COL9A3: variants seen among roughly 807,000 people sequenced by gnomAD.
COL9A3 encodes collagen alpha-3(IX) chain.
A neutral mutation model predicts 110.2 loss-of-function variants in COL9A3; 82 were observed. That is an observed-to-expected ratio of 0.74 (90% confidence interval 0.62 to 0.89). The LOEUF is 0.89. Among genes scored for constraint, COL9A3 ranks in the 40% least tolerant of loss-of-function variants. The probability of loss-of-function intolerance (pLI) is 0.00; values close to 1 mark genes in which losing one functional copy is unlikely to be tolerated. For synonymous variants in COL9A3, 494 were observed against 403.8 expected (o/e 1.22, Z -2.68); for missense variants, 1,066 against 981.3 (o/e 1.09, Z -1.15).
chr20:62,821,770 T>C lies in COL9A3; in HGVS notation c.383T>C (p.Val128Ala), dbSNP rs1600791104. The change falls in exon 8 of 32, where the codon GTG becomes GCG. Residue 128 changes from valine to alanine, a missense_variant. Physicochemically the swap from Val to Ala is moderately conservative, Grantham distance 64 (BLOSUM62 0). Coordinates refer to ENST00000649368, the MANE Select transcript of COL9A3 (RefSeq NM_001853.4). ...ACTTCCCTCCAGGGAGAGGCAGGAG[T>C]GAGCGGCCCCCCAGGTGGGATCGGC... ...GLPGPPGEAG[V>A]SGPPGGIGLR... 6 of 1,610,050 alleles carry C rather than the reference T, an allele frequency of 3.7e-6. No homozygotes were observed. The highest frequency in any genetic ancestry group is 5.1e-6 in the Non-Finnish European group (6 of 1,178,778).
At chr20:62,830,879 G>A (rs2063592394) in intron 24 of COL9A3, among the ~76,000 whole-genome samples, 2 of 145,580 alleles carry the variant, frequency 1.4e-5, no homozygotes, top group Non-Finnish European at 3.0e-5. Flanking sequence ...GTCTCCCTGC[G>A]TGGCGGAGGC....
In COL9A3 at chr20:62,838,748, C is replaced by A. The variant is rs199577452; in HGVS notation, c.1851C>A (p.Asp617Glu). ...AGAGLDGPEG[D>E]QGPQGPQGVP... ...CAGGGCTGGACGGGCCTGAAGGAGA[C>A]CAGGGGCCCCAAGGTACGAGTCCAC... is the stretch of plus-strand genomic sequence containing the variant. Residue 617 changes from aspartate (D) to glutamate (E), a missense_variant, in exon 31 of 32, where the codon GAC becomes GAA. Asp to Glu is a conservative substitution (Grantham distance 45). Transcript: ENST00000649368. 60 of 1,551,848 alleles carry A rather than the reference C, an allele frequency of 3.9e-5. No homozygotes were observed. In the East Asian group the frequency reaches 1.0e-3, roughly 27 times the overall value.
intron 25 of COL9A3, 43 bp downstream of exon 25, chr20:62,832,232 C>T (rs2063602525): frequency 6.3e-7 from 1 of 1,597,954 alleles, no homozygotes; most frequent in African/African-American, 1.3e-5. Flanking sequence ...GAAGGCAAAG[C>T]TGCACAGCTT....
chr20:62,826,672 G>A lies in COL9A3; in HGVS notation c.739-95G>A. On this transcript the variant is annotated intron_variant, in intron 14 of 31. Transcript: ENST00000649368. Reference sequence around the variant, plus strand: ...ACTTGCTGGGGAGCCCTAGAGGAAGGGCTGCTTGTGTCTGGGCCGCCCCTG... The same window carrying A: ...ACTTGCTGGGGAGCCCTAGAGGAAGAGCTGCTTGTGTCTGGGCCGCCCCTG... 4 of 1,363,310 alleles carry A rather than the reference G, an allele frequency of 2.9e-6. No homozygotes were observed. The South Asian group carries it at 4.8e-5, about 16-fold the overall frequency. 84.5% of individuals were successfully genotyped at this position (1,363,310 alleles called of 1,614,324 possible).
rs750386417 is a variant in COL9A3 at position 62,824,459 on chromosome 20, C to T, written c.534C>T (p.Cys178=). ...GATDLQCPSI[C]PPGPPGPPGM... is the part of the protein sequence containing the mutation. ...TTTTCCGACAGTGCCCAAGTATCTGCCCGCCAGGTCCCCCAGGGCCCCCTG... is the reference window on the plus strand; with the variant it reads ...TTTTCCGACAGTGCCCAAGTATCTGTCCGCCAGGTCCCCCAGGGCCCCCTG... The change falls in exon 11 of 32, where the codon TGC becomes TGT. Residue 178 remains cysteine, a synonymous_variant. Transcript: ENST00000649368. 8.7e-6 allele frequency: 14 copies of T among 1,601,426 alleles called. No individual in the cohort carries two copies. The highest frequency in any genetic ancestry group is 1.1e-5 in the Non-Finnish European group (13 of 1,174,666).
intron 8 of COL9A3, 150 bp downstream of exon 8, chr20:62,821,960 T>C: frequency 1.3e-6 from 1 of 758,320 alleles, no homozygotes; most frequent in South Asian, 1.4e-5. Flanking sequence ...TGGCCAATGA[T>C]CCAGACCCGA....
intron 26 of COL9A3, 89 bp from the exon 27 acceptor site, chr20:62,835,832 G>C (rs2063630445): frequency 7.5e-7 from 1 of 1,328,568 alleles, no homozygotes; most frequent in African/African-American, 1.4e-5. Context: ...CAGGTGTGTG[G>C]ATGATTTGAT....
At chr20:62,833,504 C>T (rs1009679589) in intron 26 of COL9A3, among the ~76,000 whole-genome samples, 4 of 147,744 alleles carry the variant, frequency 2.7e-5, no homozygotes, top group African/African-American at 7.5e-5. Flanking sequence ...CCCGGGTTCA[C>T]GCCATTCTCC....
At chr20:62,831,964 C>T in intron 24 of COL9A3, 190 bp from the exon 25 acceptor site, 1 of 675,762 alleles carries the variant, frequency 1.5e-6, no homozygotes, top group Non-Finnish European at 2.7e-6. Flanking sequence ...CTGGACAGAG[C>T]CATCGGGCCC....
chr20:62,827,522 C>T lies in COL9A3; in HGVS notation c.846+228C>T, dbSNP rs576101827. ...GGGAGCTCTGTGGCCCCCTGCAGAG[C>T]GGCCCACGAGCCGGGTGGAGGGACC... On this transcript the variant is annotated intron_variant, in intron 16 of 31. Transcript: ENST00000649368. Among the ~76,000 whole-genome samples, 8 of 152,286 alleles carry T rather than the reference C, an allele frequency of 5.3e-5. No homozygotes were observed. In the East Asian group the frequency reaches 1.5e-3, roughly 29 times the overall value.
In COL9A3 at chr20:62,824,222, T is replaced by C. The variant is rs111505128; in HGVS notation, c.520-223T>C. On this transcript the variant is annotated intron_variant, in intron 10 of 31. Transcript: ENST00000649368. ...GCCTCCCGGGGCCCCGTCACCCACG[T>C]GGAGTGGCCTCCTGGGGTCCCATCA... Among the ~76,000 whole-genome samples, 10,124 of 105,920 alleles carry C rather than the reference T, an allele frequency of 0.096. 1,072 individuals are homozygous for C. The highest frequency in any genetic ancestry group is 0.22 in the African/African-American group (6,819 of 31,286). The allele number at this position is 105,920 out of a possible 152,430, so 69.5% of individuals were successfully genotyped here.
intron 26 of COL9A3, among the ~76,000 whole-genome samples, chr20:62,835,373 C>T (rs2063627124): frequency 6.6e-6 from 1 of 152,208 alleles, no homozygotes; most frequent in African/African-American, 2.4e-5. Context: ...GAGAAAGGGG[C>T]CCAACCCATC....
intron 30 of COL9A3, 141 bp downstream of exon 30, chr20:62,837,406 C>T (rs1379610019): frequency 7.2e-6 from 6 of 831,236 alleles, no homozygotes; most frequent in Non-Finnish European, 9.7e-6. Context: ...GTTTTGGGGC[C>T]TAGCGCAGTT....
chr20:62,822,104 TC>T lies in COL9A3; in HGVS notation c.424-3del. 1 of 1,536,200 alleles carries T rather than the reference TC, an allele frequency of 6.5e-7. No homozygotes were observed. The highest frequency in any genetic ancestry group is 9.0e-7 in the Non-Finnish European group (1 of 1,110,050). ...CCCACTCTGTCTAAGTCATACCCCC[TC>T]CCCAGGGACCTTCTGGACTCCCCGG... On this transcript the variant is annotated splice_polypyrimidine_tract_variant and splice_region_variant and intron_variant, in intron 8 of 31. Coordinates refer to ENST00000649368, the MANE Select transcript of COL9A3 (RefSeq NM_001853.4).
chr20:62,825,009 G>T lies in COL9A3; in HGVS notation c.618G>T (p.Lys206Asn), dbSNP rs149532889. 1 of 1,609,892 alleles carries T rather than the reference G, an allele frequency of 6.2e-7. No homozygotes were observed. ...GYKGEQGEVGKDGEKGDPGPP... is the reference protein window; with the variant it reads ...GYKGEQGEVGNDGEKGDPGPP... ...AAGGCGAGCAGGGGGAAGTCGGCAA[G>T]GACGGCGAGAAGGTGAAGCTGCCGC... Residue 206 changes from lysine (K) to asparagine (N), a missense_variant, in exon 12 of 32, where the codon AAG (lysine) becomes AAT (asparagine). Coordinates refer to ENST00000649368, the MANE Select transcript of COL9A3 (RefSeq NM_001853.4).
chr20:62,824,535 C>A, intron 11 of COL9A3, 34 bp downstream of exon 11: 1 of 1,561,086 alleles, frequency 6.4e-7, no homozygotes, highest in Non-Finnish European at 8.7e-7. Context: ...CAAGCACCAC[C>A]CTGTGCTGGG....
At position 62,826,142 on chromosome 20, in the gene COL9A3, C is replaced by G. The variant is rs867874750; in HGVS notation, c.685-62C>G. Reference sequence around the variant, plus strand: ...CAGGGGTACCCCGAGGGCCTTGGCCCTGGGTGCTCCCCGGGGTGGAGGTGC... The same window carrying G: ...CAGGGGTACCCCGAGGGCCTTGGCCGTGGGTGCTCCCCGGGGTGGAGGTGC... On this transcript the variant is annotated intron_variant, in intron 13 of 31. Transcript: ENST00000649368. 1.7e-5 allele frequency: 26 copies of G among 1,524,490 alleles called. No homozygotes were observed. In the African/African-American group the frequency reaches 3.2e-4, roughly 19 times the overall value. 94.4% of individuals were successfully genotyped at this position (1,524,490 alleles called of 1,614,324 possible).
At chr20:62,825,158 A>C (rs981151994) in intron 12 of COL9A3, 137 bp downstream of exon 12, 1 of 7,002 alleles carries the variant, frequency 1.4e-4, no homozygotes. Context: ...GGCGGGAGGG[A>C]GGGGCTGGGC....
rs1460807659 is a variant in COL9A3, at chr20:62,817,653, G to A, written c.147+18G>A. 2 of 1,519,358 alleles carry A rather than the reference G, an allele frequency of 1.3e-6. No homozygotes were observed. The highest frequency in any genetic ancestry group is 1.8e-6 in the Non-Finnish European group (2 of 1,127,836). 94.1% of individuals were successfully genotyped at this position (1,519,358 alleles called of 1,614,324 possible). On this transcript the variant is annotated intron_variant, in intron 2 of 31. Transcript: ENST00000649368. ...GCATTGACGTGAGTTTGGGGGTGGG[G>A]AGGGCCCCGAGCGCTCTGGGGTTCT...
Sources: gnomAD v4.1 joint callset for allele counts (sites outside exome capture counted in the v4.1 genomes callset) on GRCh38, gnomAD v4.1.1 for gene constraint, MANE v1.5 for transcripts, NCBI Gene and HGNC (gene_info 2026-07-23, HGNC 2026-07-21) for gene names.